Variants in NKAIN3 observed in about 807,000 individuals in gnomAD.
NKAIN3 encodes the protein sodium/potassium-transporting ATPase subunit beta-1-interacting protein 3.
A neutral mutation model predicts 30.2 loss-of-function variants in NKAIN3; 25 were observed. The ratio of observed to expected loss-of-function variants is 0.83; its 90% CI spans 0.60 to 1.16. NKAIN3 has a LOEUF of 1.16. NKAIN3 is among the 50% of genes most tolerant of loss of function. The pLI is 0.00. For missense variants in NKAIN3, 225 were observed against 254.1 expected, an observed-to-expected ratio of 0.89 and a Z score of 0.78; for synonymous variants, 91 against 89.6, an observed-to-expected ratio of 1.02 and a Z score of -0.09.
intron 4 of NKAIN3, among the ~76,000 whole-genome samples, chr8:62,803,648 T>C (rs1008897974): frequency 9.9e-5 from 15 of 151,864 alleles, no homozygotes; most frequent in African/African-American, 2.4e-4. Flanking sequence ...ACTAAATGCC[T>C]GCAAGAGAAA....
chr8:62,759,003 C>A (rs1816552445), intron 4 of NKAIN3, among the ~76,000 whole-genome samples: 1 of 152,128 alleles, frequency 6.6e-6, no homozygotes, highest in Non-Finnish European at 1.5e-5. Context: ...TCCTCAAACC[C>A]TAACACTCTA....
intron 4 of NKAIN3, among the ~76,000 whole-genome samples, chr8:62,868,374 T>C (rs1441907879): frequency 6.6e-6 from 1 of 151,562 alleles, no homozygotes; most frequent in African/African-American, 2.4e-5. Context: ...TGGTATTTGC[T>C]TCTATTATAA....
intron 1 of NKAIN3, among the ~76,000 whole-genome samples, chr8:62,446,276 C>T (rs567732113): frequency 9.9e-5 from 15 of 152,112 alleles, no homozygotes; most frequent in African/African-American, 3.4e-4. Context: ...GATTATAACA[C>T]TGAAGGAAGA....
rs117516588 is a variant in NKAIN3, at chr8:62,368,384, A to T, written c.54+119257A>T. ...ACAGTAGACAGAATAGAGGGCCAAGACATAAATTCATGCATTTACAGTCAA... is the reference window on the plus strand; with the variant it reads ...ACAGTAGACAGAATAGAGGGCCAAGTCATAAATTCATGCATTTACAGTCAA... On this transcript the variant is annotated intron_variant, in intron 1 of 6. Coordinates refer to ENST00000623646, the MANE Select transcript of NKAIN3 (RefSeq NM_001304533.3). Among the ~76,000 whole-genome samples the T allele has an allele frequency of 5.9e-3, 893 of 152,310 alleles. 4 individuals are homozygous for T. Among genetic ancestry groups the T allele is most frequent in the Non-Finnish European group, 8.4e-3 (569 of 68,018 alleles).
intron 1 of NKAIN3, among the ~76,000 whole-genome samples, chr8:62,476,559 C>T (rs142737525): frequency 4.5e-4 from 68 of 152,030 alleles, no homozygotes; most frequent in African/African-American, 1.4e-3. Context: ...TAGGTTCAAG[C>T]GATTCTCTTG....
rs573845392 is a variant in NKAIN3, at chr8:62,784,685, T to C, written c.471+37556T>C. ...CTGATAGCTTCACTGGTGAATTCTA[T>C]CGAATATTTTTATACCAATTCTTCA... On this transcript the variant is annotated intron_variant, in intron 4 of 6. Transcript: ENST00000623646. 7.2e-5 allele frequency among the ~76,000 whole-genome samples: 11 copies of C among 152,252 alleles called. No homozygotes were observed. In the South Asian group the frequency reaches 2.3e-3, roughly 32 times the overall value.
intron 1 of NKAIN3, among the ~76,000 whole-genome samples, chr8:62,366,830 G>A (rs1816753731): frequency 6.6e-6 from 1 of 152,010 alleles, no homozygotes; most frequent in Admixed American, 6.6e-5. Context: ...GGCATTTATA[G>A]CTACAAACCG....
intron 5 of NKAIN3, among the ~76,000 whole-genome samples, chr8:62,993,133 G>A (rs978532838): frequency 2.0e-5 from 3 of 152,050 alleles, no homozygotes; most frequent in African/African-American, 7.2e-5. Flanking sequence ...GCCAGGCCTG[G>A]AAGTCGTCCA....
At chr8:62,853,762 G>T (rs919950471) in intron 4 of NKAIN3, among the ~76,000 whole-genome samples, 5 of 152,026 alleles carry the variant, frequency 3.3e-5, no homozygotes, top group Non-Finnish European at 5.9e-5. Flanking sequence ...GTGTGCTCTT[G>T]GTTCTCTGGT....
intron 2 of NKAIN3, among the ~76,000 whole-genome samples, chr8:62,588,844 A>G (rs1365068177): frequency 6.6e-6 from 1 of 151,794 alleles, no homozygotes; most frequent in Non-Finnish European, 1.5e-5. Context: ...TTCTACAGTA[A>G]GTACTATCCT....
intron 1 of NKAIN3, among the ~76,000 whole-genome samples, chr8:62,363,527 G>C (rs188723114): frequency 6.0e-4 from 92 of 152,248 alleles, no homozygotes; most frequent in Non-Finnish European, 9.3e-4. Flanking sequence ...GCTGCAGACT[G>C]TCTCATCAAA....
At chr8:62,254,351 A>G (rs918747466) in intron 1 of NKAIN3, among the ~76,000 whole-genome samples, 1 of 152,182 alleles carries the variant, frequency 6.6e-6, no homozygotes, top group Admixed American at 6.5e-5. Flanking sequence ...ATCATGAACA[A>G]TATTGGTATT....
intron 4 of NKAIN3, among the ~76,000 whole-genome samples, chr8:62,898,757 C>A (rs1243177090): frequency 6.6e-6 from 1 of 152,002 alleles, no homozygotes; most frequent in Non-Finnish European, 1.5e-5. Context: ...AAAACCTTCT[C>A]CATAGCAAAT....
intron 4 of NKAIN3, among the ~76,000 whole-genome samples, chr8:62,754,456 T>C (rs891698578): frequency 6.6e-6 from 1 of 151,160 alleles, no homozygotes; most frequent in African/African-American, 2.4e-5. Context: ...TGGAAAAGAG[T>C]TTTAAAACTC....
rs139118633 is a variant in NKAIN3 at position 62,718,284 on chromosome 8, A to C, written c.274-28648A>C. 2.8e-3 allele frequency among the ~76,000 whole-genome samples: 422 copies of C among 152,304 alleles called. 3 individuals are homozygous for C. Among genetic ancestry groups the C allele is most frequent in the African/African-American group, 9.8e-3 (408 of 41,570 alleles). ...ATACTACTTGTAAAACAACCTTATC[A>C]ATAAAGGCTGAGATAAACAGAAGGA... On this transcript the variant is annotated intron_variant, in intron 3 of 6. Coordinates refer to ENST00000623646, the MANE Select transcript of NKAIN3 (RefSeq NM_001304533.3).
intron 1 of NKAIN3, among the ~76,000 whole-genome samples, chr8:62,292,997 T>C (rs1174462140): frequency 6.6e-6 from 1 of 152,222 alleles, no homozygotes; most frequent in African/African-American, 2.4e-5. Flanking sequence ...CGGTCATTGA[T>C]ACCCTTTCTT....
chr8:62,903,027 A>G (rs1378127659), intron 4 of NKAIN3, among the ~76,000 whole-genome samples: 1 of 152,176 alleles, frequency 6.6e-6, no homozygotes, highest in African/African-American at 2.4e-5. Context: ...TGAAAGTCTT[A>G]TCTTTCTTGG....
intron 1 of NKAIN3, among the ~76,000 whole-genome samples, chr8:62,297,554 C>CA (rs1813877170): frequency 6.6e-6 from 1 of 151,936 alleles, no homozygotes; most frequent in African/African-American, 2.4e-5. Flanking sequence ...TTTATGCAGC[C>CA]AAAAAACACA....
Position 62,783,432 on chromosome 8 carries a change from T to C in NKAIN3, c.471+36303T>C, listed in dbSNP as rs534733340. On this transcript the variant is annotated intron_variant, in intron 4 of 6. Transcript: ENST00000623646. ...AGACTCCAGAGCTGTGAGAAATAAA[T>C]CTCTGTTGCCTATAAGTCACCCAGT... Among the ~76,000 whole-genome samples, 99 of 152,078 alleles carry C rather than the reference T, an allele frequency of 6.5e-4. 1 individual carries two copies. Among genetic ancestry groups the C allele is most frequent in the Admixed American group, 1.6e-3 (24 of 15,266 alleles).
Sources: gnomAD v4.1 joint callset for allele counts (sites outside exome capture counted in the v4.1 genomes callset) on GRCh38, gnomAD v4.1.1 for gene constraint, MANE v1.5 for transcripts, NCBI Gene and HGNC (gene_info 2026-07-23, HGNC 2026-07-21) for gene names.